ATP2A2: variants seen among roughly 807,000 people sequenced by gnomAD.
The protein encoded by ATP2A2 is ATPase sarcoplasmic/endoplasmic reticulum Ca2+ transporting 2, also known as sarcoplasmic/endoplasmic reticulum calcium ATPase 2.
Under a neutral mutation model 109.3 loss-of-function variants are expected in ATP2A2, and 14 were observed. The ratio of observed to expected loss-of-function variants is 0.13; its 90% CI spans 0.08 to 0.20. The LOEUF is 0.20. Ranked by LOEUF, ATP2A2 falls within the 10% of genes least tolerant of loss-of-function variation. ATP2A2 has a pLI of 1.00. For missense variants in ATP2A2, 657 were observed against 1,321.6 expected, an observed-to-expected ratio of 0.50 and a Z score of 7.80; for synonymous variants, 506 against 490.9, an observed-to-expected ratio of 1.03 and a Z score of -0.41.
chr12:110,310,522 A>G (rs1293546792), intron 5 of ATP2A2, among the ~76,000 whole-genome samples: 1 of 152,180 alleles, frequency 6.6e-6, no homozygotes, highest in Non-Finnish European at 1.5e-5. Flanking sequence ...TGTTTAAAAC[A>G]AACTTTATGT....
At chr12:110,313,320 T>TC (rs1876301784) in intron 5 of ATP2A2, among the ~76,000 whole-genome samples, 1 of 147,548 alleles carries the variant, frequency 6.8e-6, no homozygotes, top group African/African-American at 2.5e-5. Context: ...CTTTTTTTTT[T>TC]TTTTTTTTTT....
chr12:110,287,978 G>A lies in ATP2A2; in HGVS notation c.220-4042G>A, dbSNP rs191719539. 6.5e-3 allele frequency among the ~76,000 whole-genome samples: 980 copies of A among 151,312 alleles called. 12 individuals are homozygous for A. Among genetic ancestry groups the A allele is most frequent in the Non-Finnish European group, 0.011 (740 of 67,808 alleles). On this transcript the variant is annotated intron_variant, in intron 3 of 19. Transcript: ENST00000539276. ...TTTCCTGGAGATAGGGTCTCCTGTCGCCCAGCGGGTAAATGCAGTGGTGCG... is the reference window on the plus strand; with the variant it reads ...TTTCCTGGAGATAGGGTCTCCTGTCACCCAGCGGGTAAATGCAGTGGTGCG...
At chr12:110,324,418 T>G (rs1308112883) in intron 6 of ATP2A2, among the ~76,000 whole-genome samples, 2 of 152,024 alleles carry the variant, frequency 1.3e-5, no homozygotes, top group African/African-American at 4.8e-5. Flanking sequence ...AGTTGCCATT[T>G]AAAAAAAATT....
chr12:110,347,487 C>T lies in ATP2A2; in HGVS notation c.*1017C>T, dbSNP rs1017350786. ...TCATAGGAATTGTATTCTTAATGTACAGGCACTAATTGTCATCTGTGATGT... is the reference window on the plus strand; with the variant it reads ...TCATAGGAATTGTATTCTTAATGTATAGGCACTAATTGTCATCTGTGATGT... On this transcript the variant is annotated 3_prime_UTR_variant, in exon 20 of 20. Transcript: ENST00000539276. The T allele has an allele frequency of 7.0e-6, 9 of 1,289,048 alleles. No homozygotes were observed. The highest frequency in any genetic ancestry group is 2.1e-4 in the Middle Eastern group (1 of 4,690). 79.9% of individuals were successfully genotyped at this position (1,289,048 alleles called of 1,614,324 possible). A position where few individuals can be genotyped will look rare whatever the true frequency, so the allele number is the denominator to read the frequency against.
intron 3 of ATP2A2, among the ~76,000 whole-genome samples, chr12:110,283,920 ATTAAAT>A (rs1872411593): frequency 6.6e-6 from 1 of 152,242 alleles, no homozygotes; most frequent in Non-Finnish European, 1.5e-5. Flanking sequence ...TGAGGAAAAG[ATTAAAT>A]TTATACCCAT....
At chr12:110,295,068 C>T (rs571014114) in intron 4 of ATP2A2, among the ~76,000 whole-genome samples, 35 of 152,346 alleles carry the variant, frequency 2.3e-4, no homozygotes, top group Admixed American at 3.9e-4. Context: ...ATCCGCCCAC[C>T]TCAGCCTCCC....
chr12:110,290,641 A>C (rs1303498019), intron 3 of ATP2A2, among the ~76,000 whole-genome samples: 1 of 152,028 alleles, frequency 6.6e-6, no homozygotes, highest in African/African-American at 2.4e-5. Flanking sequence ...GTCTTGCTCT[A>C]ACGCCCAGGC....
Position 110,350,060 on chromosome 12 carries a change from A to T in ATP2A2, c.*3590A>T. ...TTTTCCTCCAGAGCCTTTATTCTGT[A>T]GCCAGACGACACGAGGAGTCTGTGT... is the stretch of plus-strand genomic sequence containing the variant. On this transcript the variant is annotated 3_prime_UTR_variant, in exon 20 of 20. Coordinates refer to ENST00000539276, the MANE Select transcript of ATP2A2 (RefSeq NM_170665.4). 7.0e-7 allele frequency: 1 copy of T among 1,429,498 alleles called. No homozygotes were observed. 88.6% of individuals were successfully genotyped at this position (1,429,498 alleles called of 1,614,324 possible).
At chr12:110,303,173 A>G (rs1416286491) in intron 5 of ATP2A2, among the ~76,000 whole-genome samples, 1 of 152,242 alleles carries the variant, frequency 6.6e-6, no homozygotes, top group Non-Finnish European at 1.5e-5. Flanking sequence ...TAATGTAAAC[A>G]TAGTTGCTGT....
chr12:110,307,937 T>A (rs929882332), intron 5 of ATP2A2, among the ~76,000 whole-genome samples: 1 of 152,252 alleles, frequency 6.6e-6, no homozygotes, highest in Non-Finnish European at 1.5e-5. Context: ...TTGAGAAGAG[T>A]ATTTCCTAGG....
chr12:110,307,821 T>A (rs1381284289), intron 5 of ATP2A2, among the ~76,000 whole-genome samples: 4 of 152,230 alleles, frequency 2.6e-5, no homozygotes, highest in Non-Finnish European at 5.9e-5. Context: ...TTGATAGATT[T>A]CTTCTGCTGT....
chr12:110,293,912 T>G (rs1453163936), intron 4 of ATP2A2, among the ~76,000 whole-genome samples: 1 of 146,754 alleles, frequency 6.8e-6, no homozygotes, highest in African/African-American at 2.5e-5. Context: ...AGTCTTGCTC[T>G]GTTGCCCAGG....
chr12:110,281,762 A>T lies in ATP2A2; in HGVS notation c.-28A>T. 6.9e-7 allele frequency: 1 copy of T among 1,448,832 alleles called. No homozygotes were observed. The highest frequency in any genetic ancestry group is 3.0e-5 in the East Asian group (1 of 33,872). 89.7% of individuals were successfully genotyped at this position (1,448,832 alleles called of 1,614,324 possible). Reference sequence around the variant, plus strand: ...GAGGCGAGGAGGCCGCGGGGACGGGAGGCGAGGCCGGCCGGGCCCCCGAAG... The same window carrying T: ...GAGGCGAGGAGGCCGCGGGGACGGGTGGCGAGGCCGGCCGGGCCCCCGAAG... On this transcript the variant is annotated 5_prime_UTR_variant, in exon 1 of 20. Coordinates refer to ENST00000539276, the MANE Select transcript of ATP2A2 (RefSeq NM_170665.4).
chr12:110,315,809 C>T (rs1488077046), intron 5 of ATP2A2, among the ~76,000 whole-genome samples: 1 of 152,204 alleles, frequency 6.6e-6, no homozygotes, highest in Non-Finnish European at 1.5e-5. Flanking sequence ...GCCGCATCGG[C>T]ACACGCCTGT....
chr12:110,289,157 A>G (rs1872990623), intron 3 of ATP2A2, among the ~76,000 whole-genome samples: 2 of 152,212 alleles, frequency 1.3e-5, no homozygotes, highest in Non-Finnish European at 2.9e-5. Context: ...CCCAGGCTTT[A>G]CTGCCAAGAG....
At chr12:110,315,935 A>G (rs1397145394) in intron 5 of ATP2A2, among the ~76,000 whole-genome samples, 1 of 151,910 alleles carries the variant, frequency 6.6e-6, no homozygotes, top group Non-Finnish European at 1.5e-5. Context: ...CAAACAAACA[A>G]AATTAGCTTG....
chr12:110,322,624 T>C (rs1877360144), intron 5 of ATP2A2, among the ~76,000 whole-genome samples: 2 of 152,266 alleles, frequency 1.3e-5, no homozygotes, highest in Non-Finnish European at 2.9e-5. Context: ...TATACAACTT[T>C]ATTCTCTTTG....
chr12:110,324,980 C>CT (rs1312320927), intron 6 of ATP2A2, among the ~76,000 whole-genome samples: 1 of 151,612 alleles, frequency 6.6e-6, no homozygotes, highest in African/African-American at 2.4e-5. Flanking sequence ...CCACACCTGG[C>CT]TAATTGTATT....
intron 3 of ATP2A2, among the ~76,000 whole-genome samples, chr12:110,284,233 C>G (rs988738593): frequency 3.9e-5 from 6 of 152,058 alleles, no homozygotes; most frequent in African/African-American, 1.4e-4. Flanking sequence ...TGAGTAGACC[C>G]GATTAACTAT....
Sources: allele counts gnomAD v4.1 joint callset (sites outside exome capture counted in the v4.1 genomes callset), GRCh38; gene constraint gnomAD v4.1.1; transcripts MANE v1.5; gene names NCBI Gene and HGNC (gene_info 2026-07-23, HGNC 2026-07-21).